Variants in CRTC1 observed in about 807,000 individuals in gnomAD.
CRTC1 encodes the protein CREB regulated transcription coactivator 1.
A neutral mutation model predicts 66.1 loss-of-function variants in CRTC1; 18 were observed. The ratio of observed to expected loss-of-function variants is 0.27; its 90% CI spans 0.19 to 0.40. The LOEUF (loss-of-function observed/expected upper bound fraction) is 0.40, where lower values mean the gene tolerates loss of function less well. Among genes scored for constraint, CRTC1 ranks in the 10% least tolerant of loss-of-function variants. The pLI, the probability that CRTC1 is intolerant of heterozygous loss-of-function variation, is 1.00. For missense variants in CRTC1, 669 were observed against 887.9 expected, an observed-to-expected ratio of 0.75 and a Z score of 3.13; for synonymous variants, 416 against 398.8, an observed-to-expected ratio of 1.04 and a Z score of -0.51.
At position 18,779,041 on chromosome 19, in the gene CRTC1, C is replaced by T; in HGVS notation, c.*1659C>T. On this transcript the variant is annotated 3_prime_UTR_variant, in exon 14 of 14. Transcript: ENST00000321949. ...GACCCTCCCCATACCACGGGCCCTG[C>T]AAGGGAGGCATCAGGGCTGGCTTTG... is the stretch of plus-strand genomic sequence containing the variant. 1 of 232,452 alleles carries T rather than the reference C, an allele frequency of 4.3e-6. No individual in the cohort carries two copies. The highest frequency in any genetic ancestry group is 8.5e-6 in the Non-Finnish European group (1 of 117,598). The allele number at this position is 232,452 out of a possible 1,614,324, so 14.4% of individuals were successfully genotyped here.
At chr19:18,717,284 CCTCT>C (rs2145609693) in intron 1 of CRTC1, among the ~76,000 whole-genome samples, 1 of 151,984 alleles carries the variant, frequency 6.6e-6, no homozygotes, top group East Asian at 1.9e-4. Flanking sequence ...CCCCTAGCAC[CCTCT>C]CCCAGGGTCT....
At position 18,777,453 on chromosome 19, in the gene CRTC1, C is replaced by T. The variant is rs772991627; in HGVS notation, c.*71C>T. ...CCCCAGCCCGGGGACGGCCGTGCTC[C>T]GTCCCTCGCCAACGGCCGAGCTTGT... On this transcript the variant is annotated 3_prime_UTR_variant, in exon 14 of 14. Transcript: ENST00000321949. This position sits in a 1 kb window ranked among gnomAD's most constrained non-coding sequence, Gnocchi z 5.5. 1.4e-5 allele frequency: 19 copies of T among 1,380,322 alleles called. No homozygotes were observed. Among genetic ancestry groups the T allele is most frequent in the South Asian group, 2.3e-5 (2 of 86,486 alleles). 85.5% of individuals were successfully genotyped at this position (1,380,322 alleles called of 1,614,324 possible). A position where few individuals can be genotyped will look rare whatever the true frequency, so the allele number is the denominator to read the frequency against.
At chr19:18,731,791 C>T (rs1322173716) in intron 1 of CRTC1, among the ~76,000 whole-genome samples, 1 of 152,238 alleles carries the variant, frequency 6.6e-6, no homozygotes, top group Non-Finnish European at 1.5e-5. Context: ...CTCGTCACAC[C>T]TCGGCTGCCT....
chr19:18,743,327 G>A (rs2054152195), intron 2 of CRTC1, among the ~76,000 whole-genome samples: 1 of 152,222 alleles, frequency 6.6e-6, no homozygotes, highest in Non-Finnish European at 1.5e-5. Flanking sequence ...GGGGCCACTG[G>A]GGCTTGGCTC....
chr19:18,758,949 T>C (rs558359693), intron 6 of CRTC1, among the ~76,000 whole-genome samples: 2 of 152,274 alleles, frequency 1.3e-5, no homozygotes, highest in African/African-American at 4.8e-5. Context: ...TACCAGGGCT[T>C]AGGGCGGCCA....
chr19:18,742,835 G>T, intron 1 of CRTC1, 75 bp from the exon 2 acceptor site: 1 of 1,092,012 alleles, frequency 9.2e-7, no homozygotes, highest in Non-Finnish European at 1.4e-6. Flanking sequence ...GGGTCTTTTT[G>T]TGCCTTTGGG....
intron 2 of CRTC1, chr19:18,744,010 G>A (rs1288683843): frequency 2.8e-5 from 37 of 1,319,182 alleles, no homozygotes; most frequent in African/African-American, 8.7e-5. Context: ...GGTGTCTGTC[G>A]CCCGAGGCCC....
At chr19:18,770,666 T>C (rs1288962430) in intron 10 of CRTC1, among the ~76,000 whole-genome samples, 2 of 152,192 alleles carry the variant, frequency 1.3e-5, no homozygotes, top group African/African-American at 4.8e-5. Flanking sequence ...TGTGTGCATG[T>C]GTGCATGCGT....
chr19:18,752,093 C>T (rs901801142), intron 5 of CRTC1, among the ~76,000 whole-genome samples: 2 of 146,874 alleles, frequency 1.4e-5, no homozygotes, highest in African/African-American at 5.0e-5. Flanking sequence ...GCGCAGGTTG[C>T]AGTGAGCCAA....
intron 1 of CRTC1, among the ~76,000 whole-genome samples, chr19:18,708,912 G>A (rs1235942636): frequency 6.6e-6 from 1 of 152,218 alleles, no homozygotes; most frequent in African/African-American, 2.4e-5. Context: ...GCAGCCGTGT[G>A]GCCACCCTGG....
At chr19:18,750,109 G>T (rs2240887) in intron 5 of CRTC1, among the ~76,000 whole-genome samples, 2 of 152,154 alleles carry the variant, frequency 1.3e-5, no homozygotes, top group Admixed American at 1.3e-4. Flanking sequence ...GCAGGCGCAC[G>T]TTGGCTCCCA....
intron 8 of CRTC1, among the ~76,000 whole-genome samples, chr19:18,763,297 C>T (rs1017511997): frequency 7.2e-5 from 11 of 152,128 alleles, no homozygotes; most frequent in Non-Finnish European, 4.4e-5. Context: ...TACGGGGTTT[C>T]ACCACATTGG....
intron 13 of CRTC1, among the ~76,000 whole-genome samples, chr19:18,776,294 G>C (rs568981194): frequency 2.6e-5 from 4 of 152,224 alleles, no homozygotes; most frequent in African/African-American, 9.6e-5. Flanking sequence ...GTCTGAGCAC[G>C]GCGCCTGGGC....
chr19:18,764,463 G>T (rs1461135857), intron 8 of CRTC1, among the ~76,000 whole-genome samples: 5 of 152,270 alleles, frequency 3.3e-5, no homozygotes, highest in African/African-American at 4.8e-5. Context: ...GCCTGGCATG[G>T]TGCCCACAAT....
intron 1 of CRTC1, among the ~76,000 whole-genome samples, chr19:18,726,698 C>T (rs1006873010): frequency 2.6e-5 from 4 of 152,004 alleles, no homozygotes; most frequent in South Asian, 4.1e-4. Context: ...GAGACCAAGG[C>T]GGGCGGATCA....
chr19:18,736,190 G>T (rs1033229316), intron 1 of CRTC1, among the ~76,000 whole-genome samples: 3 of 152,144 alleles, frequency 2.0e-5, no homozygotes, highest in African/African-American at 7.2e-5. Flanking sequence ...CTGCTGGGAC[G>T]CTTGGAGATC....
At chr19:18,729,106 C>G (rs945092082) in intron 1 of CRTC1, among the ~76,000 whole-genome samples, 32 of 148,766 alleles carry the variant, frequency 2.2e-4, no homozygotes, top group African/African-American at 5.6e-4. Flanking sequence ...AGCCACCGCA[C>G]CTGCCCGCCT....
Position 18,779,927 on chromosome 19 carries a change from C to T in CRTC1, c.*2545C>T, listed in dbSNP as rs1412760624. ...CGTCCCTGTGTTCCAGAAGGATTCACGCCCCTCCTGGACCTGGGCGGGCCT... is the reference window on the plus strand; with the variant it reads ...CGTCCCTGTGTTCCAGAAGGATTCATGCCCCTCCTGGACCTGGGCGGGCCT... On this transcript the variant is annotated 3_prime_UTR_variant, in exon 14 of 14. Transcript: ENST00000321949. The T allele has an allele frequency of 4.8e-5, 11 of 228,900 alleles. No individual in the cohort carries two copies. The highest frequency in any genetic ancestry group is 7.8e-5 in the Non-Finnish European group (9 of 115,460). The allele number at this position is 228,900 out of a possible 1,614,324, so 14.2% of individuals were successfully genotyped here.
chr19:18,717,917 A>G (rs1227850992), intron 1 of CRTC1, among the ~76,000 whole-genome samples: 1 of 152,114 alleles, frequency 6.6e-6, no homozygotes, highest in African/African-American at 2.4e-5. Flanking sequence ...CAGTAGGGAC[A>G]GGAGTGAGGG....
Sources: allele counts gnomAD v4.1 joint callset (sites outside exome capture counted in the v4.1 genomes callset), GRCh38; gene constraint gnomAD v4.1.1; non-coding constraint Gnocchi (gnomAD v3.1); transcripts MANE v1.5; gene names NCBI Gene and HGNC (gene_info 2026-07-23, HGNC 2026-07-21).